The following PAPPA variants were observed in gnomAD, a reference collection of about 807,000 sequenced individuals.
PAPPA encodes pappalysin-1.
In PAPPA, 60 loss-of-function variants were observed where a neutral mutation model predicts 164.0. The observed-to-expected ratio is 0.37, with a 90% CI of 0.30 to 0.45. The LOEUF (loss-of-function observed/expected upper bound fraction) is 0.45, where lower values mean the gene tolerates loss of function less well. Ranked by LOEUF, PAPPA falls within the 20% of genes least tolerant of loss-of-function variation. The probability of loss-of-function intolerance (pLI) is 1.00; values close to 1 mark genes in which losing one functional copy is unlikely to be tolerated. For synonymous variants in PAPPA, 875 were observed against 814.1 expected (o/e 1.07, Z -1.27); for missense variants, 1,782 against 2,087.3 (o/e 0.85, Z 2.85).
chr9:116,387,624 C>A (rs1846833164), intron 21 of PAPPA, among the ~76,000 whole-genome samples: 1 of 152,238 alleles, frequency 6.6e-6, no homozygotes, highest in Non-Finnish European at 1.5e-5. Flanking sequence ...ATCCTCCAGC[C>A]TCAGCTTCCC....
chr9:116,250,950 T>TA (rs1844853310), intron 7 of PAPPA, among the ~76,000 whole-genome samples: 1 of 152,148 alleles, frequency 6.6e-6, no homozygotes, highest in Non-Finnish European at 1.5e-5. Flanking sequence ...AATGAAATCT[T>TA]AGAGAGCTGA....
Position 116,187,482 on chromosome 9 carries a change from C to T in PAPPA, c.744C>T (p.Asn248=), listed in dbSNP as rs149811909. ...LMLGGSALNH[N]YRGYIEHFSL... is the part of the protein sequence containing the mutation. ...TAGGGGGCAGTGCCCTGAATCACAA[C>T]TACCGGGGCTACATCGAGCACTTCA... is the stretch of plus-strand genomic sequence containing the variant. Residue 248 remains asparagine (N), a synonymous_variant, in exon 2 of 22, where the codon AAC becomes AAT. Transcript: ENST00000328252. This position sits in a 1 kb window ranked among gnomAD's most constrained non-coding sequence, Gnocchi z 4.2. 27 of 1,614,196 alleles carry T rather than the reference C, an allele frequency of 1.7e-5. No individual in the cohort carries two copies. The highest frequency in any genetic ancestry group is 2.7e-5 in the African/African-American group (2 of 75,054).
intron 14 of PAPPA, 55 bp downstream of exon 14, chr9:116,344,766 G>T: frequency 6.6e-7 from 1 of 1,522,186 alleles, no homozygotes; most frequent in Non-Finnish European, 9.0e-7. Flanking sequence ...AGGCTTACTG[G>T]GTGTTAACCA....
intron 10 of PAPPA, among the ~76,000 whole-genome samples, chr9:116,330,288 T>A (rs1845972471): frequency 6.6e-6 from 1 of 152,112 alleles, no homozygotes; most frequent in Non-Finnish European, 1.5e-5. Flanking sequence ...GCTGTTCCTA[T>A]CCTCTTTCCC....
rs986850022 is a variant in PAPPA at position 116,207,686 on chromosome 9, A to T, written c.1624+85A>T. On this transcript the variant is annotated intron_variant, in intron 3 of 21. Transcript: ENST00000328252. ...GATGATGATCATTGTTACGATCATG[A>T]TGGTGGTGGTGGTAGTTGTGAGGGT... 6 of 1,044,312 alleles carry T rather than the reference A, an allele frequency of 5.7e-6. No homozygotes were observed. The African/African-American group carries it at 8.1e-5, about 14-fold the overall frequency. The allele number at this position is 1,044,312 out of a possible 1,614,324, so 64.7% of individuals were successfully genotyped here.
chr9:116,211,913 C>A lies in PAPPA; in HGVS notation c.1899C>A (p.Asn633Lys), dbSNP rs767994805. 2 of 1,614,002 alleles carry A rather than the reference C, an allele frequency of 1.2e-6. No individual in the cohort carries two copies. Among genetic ancestry groups the A allele is most frequent in the South Asian group, 2.2e-5 (2 of 91,074 alleles). The change falls in exon 4 of 22, where the codon AAC (asparagine) becomes AAA (lysine). Residue 633 changes from asparagine (N) to lysine (K), a missense_variant. Asn to Lys is a moderately conservative substitution (Grantham distance 94, BLOSUM62 0). Transcript: ENST00000328252. ...ATAGCTTCTTCAACACTCCTTACAA[C>A]AACTTCATGAGCTATGCAGGTAGGG... is the stretch of plus-strand genomic sequence containing the variant. ...GFHSFFNTPYNNFMSYADDDC... is the reference protein window; with the variant it reads ...GFHSFFNTPYKNFMSYADDDC...
At chr9:116,344,818 CCACATAG>C in intron 14 of PAPPA, 107 bp downstream of exon 14, 1 of 884,586 alleles carries the variant, frequency 1.1e-6, no homozygotes, top group Non-Finnish European at 1.7e-6. Flanking sequence ...AATAGTGCTG[CCACATAG>C]TAGGTGCTCA....
intron 6 of PAPPA, among the ~76,000 whole-genome samples, chr9:116,233,960 A>C (rs1844629071): frequency 6.6e-6 from 1 of 152,056 alleles, no homozygotes; most frequent in South Asian, 2.1e-4. Flanking sequence ...AGGCTGAGGC[A>C]GGGGAATTTG....
chr9:116,195,885 T>A (rs879314296), intron 2 of PAPPA, among the ~76,000 whole-genome samples: 3 of 145,616 alleles, frequency 2.1e-5, no homozygotes, highest in Admixed American at 7.2e-5. Context: ...GTTTCATTTT[T>A]AAAATATTTT....
chr9:116,263,779 G>A (rs1441361304), intron 7 of PAPPA, among the ~76,000 whole-genome samples: 1 of 152,182 alleles, frequency 6.6e-6, no homozygotes, highest in African/African-American at 2.4e-5. Context: ...TTGAGGAAAA[G>A]GAGGAGGAAG....
rs79701237 is a variant in PAPPA, at chr9:116,218,597, G to A, written c.1919-1340G>A. On this transcript the variant is annotated intron_variant, in intron 4 of 21. Transcript: ENST00000328252. ...AGGTCTTAGGTCACACCCTGGAAAA[G>A]AGAGATTAGGATCAAAGGTCCTTAG... Among the ~76,000 whole-genome samples, 1,029 of 152,284 alleles carry A rather than the reference G, an allele frequency of 6.8e-3. 30 individuals carry two copies. In the East Asian group the frequency reaches 0.097, roughly 14 times the overall value.
chr9:116,215,352 T>G (rs1053867451), intron 4 of PAPPA, among the ~76,000 whole-genome samples: 1 of 152,204 alleles, frequency 6.6e-6, no homozygotes, highest in Non-Finnish European at 1.5e-5. Flanking sequence ...TTGTTCTAAG[T>G]GCCCATTAAT....
intron 1 of PAPPA, among the ~76,000 whole-genome samples, chr9:116,159,191 T>C (rs902344911): frequency 6.6e-6 from 1 of 152,234 alleles, no homozygotes; most frequent in Non-Finnish European, 1.5e-5. Flanking sequence ...ACTTCATCCA[T>C]CTCTTCCTTG....
chr9:116,332,689 G>A, intron 12 of PAPPA: 1 of 451,556 alleles, frequency 2.2e-6, no homozygotes, highest in South Asian at 3.8e-5. Flanking sequence ...CAATGGCCAA[G>A]CACTCCCTTC....
intron 5 of PAPPA, among the ~76,000 whole-genome samples, chr9:116,225,769 G>C (rs1844498789): frequency 6.6e-6 from 1 of 152,064 alleles, no homozygotes; most frequent in South Asian, 2.1e-4. Flanking sequence ...TCTGCACTAA[G>C]TTAGCCATGA....
intron 4 of PAPPA, among the ~76,000 whole-genome samples, chr9:116,218,041 A>G (rs1405456099): frequency 6.6e-6 from 1 of 152,196 alleles, no homozygotes; most frequent in Non-Finnish European, 1.5e-5. Flanking sequence ...TTTCCTTGCA[A>G]TAGGGAGCCA....
intron 2 of PAPPA, among the ~76,000 whole-genome samples, chr9:116,201,503 C>T (rs376828181): frequency 3.3e-5 from 5 of 152,242 alleles, no homozygotes; most frequent in African/African-American, 9.6e-5. Context: ...GCTGGTGGAG[C>T]GGGAACCCAA....
intron 1 of PAPPA, among the ~76,000 whole-genome samples, chr9:116,171,913 A>G (rs1272856778): frequency 1.3e-5 from 2 of 152,186 alleles, no homozygotes; most frequent in African/African-American, 4.8e-5. Flanking sequence ...AGGATTATTA[A>G]TTGGGTGGAT....
intron 1 of PAPPA, among the ~76,000 whole-genome samples, chr9:116,170,392 C>A (rs1843763089): frequency 6.6e-6 from 1 of 152,064 alleles, no homozygotes; most frequent in Non-Finnish European, 1.5e-5. Context: ...TAATCTACAA[C>A]TTTGTTTATT....
Sources: gnomAD v4.1 joint callset for allele counts (sites outside exome capture counted in the v4.1 genomes callset) on GRCh38, gnomAD v4.1.1 for gene constraint, Gnocchi (gnomAD v3.1) non-coding constraint, MANE v1.5 for transcripts, NCBI Gene and HGNC (gene_info 2026-07-23, HGNC 2026-07-21) for gene names.